The following SLMAP variants were observed in gnomAD, a reference collection of about 807,000 sequenced individuals.
SLMAP encodes the protein sarcolemma associated protein, also known as sarcolemmal membrane-associated protein.
Under a neutral mutation model 128.8 loss-of-function variants are expected in SLMAP, and 44 were observed. That is an observed-to-expected ratio of 0.34 (90% CI 0.27 to 0.44). The LOEUF (loss-of-function observed/expected upper bound fraction) is 0.44, where lower values mean the gene tolerates loss of function less well. Ranked by LOEUF, SLMAP falls within the 20% of genes least tolerant of loss-of-function variation. The pLI, the probability that SLMAP is intolerant of heterozygous loss-of-function variation, is 1.00. For synonymous variants in SLMAP, 327 were observed against 348.8 expected (o/e 0.94, Z 0.70); for missense variants, 787 against 985.3 (o/e 0.80, Z 2.69).
chr3:57,916,976 A>G lies in SLMAP; in HGVS notation c.2209A>G (p.Asn737Asp). The G allele has an allele frequency of 6.2e-7, 1 of 1,613,678 alleles. No individual in the cohort carries two copies. The highest frequency in any genetic ancestry group is 8.5e-7 in the Non-Finnish European group (1 of 1,179,660). The change falls in exon 22 of 25, where the codon AAT becomes GAT. Residue 737 changes from asparagine to aspartate, a missense_variant. Asn to Asp is a conservative substitution (Grantham distance 23). Coordinates refer to ENST00000671191, the MANE Select transcript of SLMAP (RefSeq NM_001377540.1). The stretch of plus-strand genomic sequence containing the variant: ...TCAAATGTCTAGGAAAGAACTTGAG[A>G]ATCAAGTGGGATCCTTGAAAGAACA... Reference protein sequence around the residue: ...ILQMSRKELENQVGSLKEQHL... With the variant: ...ILQMSRKELEDQVGSLKEQHL...
Position 57,757,539 on chromosome 3 carries a change from G to A in SLMAP, c.-113G>A. On this transcript the variant is annotated 5_prime_UTR_variant, in exon 2 of 25. It adds an upstream start codon to the 5' untranslated region. Coordinates refer to ENST00000671191, the MANE Select transcript of SLMAP (RefSeq NM_001377540.1). ...GTTATGCTTAGACAATGTGCAGTTT[G>A]TGTTAATTTAAAATTTTGGGTGGGA... is the stretch of plus-strand genomic sequence containing the variant. 1 of 878,842 alleles carries A rather than the reference G, an allele frequency of 1.1e-6. No individual in the cohort carries two copies. Among genetic ancestry groups the A allele is most frequent in the Non-Finnish European group, 1.8e-6 (1 of 549,980 alleles). 54.4% of individuals were successfully genotyped at this position (878,842 alleles called of 1,614,324 possible).
At chr3:57,805,941 C>G (rs935133291) in intron 2 of SLMAP, among the ~76,000 whole-genome samples, 2 of 152,292 alleles carry the variant, frequency 1.3e-5, no homozygotes, top group Non-Finnish European at 1.5e-5. Flanking sequence ...CATGGGACAG[C>G]TCCTTCAGGA....
In SLMAP at chr3:57,841,306, T is replaced by C; in HGVS notation, c.354T>C (p.His118=). Residue 118 remains histidine (H), a synonymous_variant, in exon 4 of 25, where the codon CAT becomes CAC. Coordinates refer to ENST00000671191, the MANE Select transcript of SLMAP (RefSeq NM_001377540.1). ...TTTGTTTGTTTCAACCAGTTACCCA[T>C]GGGTGTATTGTTTCCACAATAAAAC... The part of the protein sequence containing the change: ...DVTENTRKVT[H]GCIVSTIKLF... 1 of 1,597,048 alleles carries C rather than the reference T, an allele frequency of 6.3e-7. No homozygotes were observed. Among genetic ancestry groups the C allele is most frequent in the African/African-American group, 1.3e-5 (1 of 74,436 alleles).
chr3:57,877,294 A>G (rs1400555072), intron 14 of SLMAP, among the ~76,000 whole-genome samples: 1 of 152,088 alleles, frequency 6.6e-6, no homozygotes, highest in Non-Finnish European at 1.5e-5. Context: ...CCTTATTTGG[A>G]GTAATGCATT....
At chr3:57,909,317 C>T (rs551453019) in intron 19 of SLMAP, among the ~76,000 whole-genome samples, 167 bp downstream of exon 19, 4 of 151,952 alleles carry the variant, frequency 2.6e-5, no homozygotes, top group Admixed American at 1.3e-4. Context: ...GTGTGGCCAA[C>T]ATGGTGAACC....
chr3:57,831,634 T>C (rs566896240), intron 3 of SLMAP, 104 bp downstream of exon 3: 7 of 753,014 alleles, frequency 9.3e-6, no homozygotes, highest in Non-Finnish European at 1.4e-5. Context: ...GTGAAAGCGA[T>C]TTAAATACAG....
At chr3:57,924,136 A>G (rs1029440309) in intron 23 of SLMAP, among the ~76,000 whole-genome samples, 17 of 152,196 alleles carry the variant, frequency 1.1e-4, no homozygotes, top group African/African-American at 3.9e-4. Context: ...CATAATCAGA[A>G]TGGATCTCCC....
chr3:57,791,543 T>C (rs1474563808), intron 2 of SLMAP, among the ~76,000 whole-genome samples: 1 of 152,128 alleles, frequency 6.6e-6, no homozygotes, highest in Non-Finnish European at 1.5e-5. Context: ...GGTGTAAATT[T>C]CTCAGGGTCT....
chr3:57,869,649 TATATATATATA>T (rs1376773189), intron 13 of SLMAP, among the ~76,000 whole-genome samples: 17 of 133,838 alleles, frequency 1.3e-4, no homozygotes, highest in African/African-American at 2.8e-4. Flanking sequence ...TATATATATA[TATATATATATA>T]ATATATATAA....
At chr3:57,872,232 G>A (rs1442683302) in intron 14 of SLMAP, among the ~76,000 whole-genome samples, 1 of 152,124 alleles carries the variant, frequency 6.6e-6, no homozygotes, top group African/African-American at 2.4e-5. Context: ...AACCTGGTAG[G>A]CAGATGTTGC....
At chr3:57,781,272 A>G (rs1277572422) in intron 2 of SLMAP, among the ~76,000 whole-genome samples, 1 of 152,054 alleles carries the variant, frequency 6.6e-6, no homozygotes, top group Non-Finnish European at 1.5e-5. Context: ...AAGGTTTCTT[A>G]TTGCAGCTAC....
intron 14 of SLMAP, among the ~76,000 whole-genome samples, chr3:57,883,063 A>C (rs958963207): frequency 1.3e-5 from 2 of 152,180 alleles, no homozygotes; most frequent in African/African-American, 4.8e-5. Context: ...GGTAATCCAC[A>C]GTGAGTGCCT....
intron 17 of SLMAP, among the ~76,000 whole-genome samples, chr3:57,906,307 T>A (rs1475970486): frequency 1.0e-5 from 1 of 98,678 alleles, no homozygotes; most frequent in Admixed American, 1.0e-4. Context: ...TTTCTTTTTT[T>A]TTCTTTTTTT....
At chr3:57,877,831 CTTTTTTTTTT>C (rs57685937) in intron 14 of SLMAP, among the ~76,000 whole-genome samples, 8 of 111,684 alleles carry the variant, frequency 7.2e-5, no homozygotes, top group African/African-American at 2.0e-4. Flanking sequence ...TTTTTTCCTT[CTTTTTTTTTT>C]TTTTTTTTTT....
At chr3:57,786,126 A>G (rs2084036318) in intron 2 of SLMAP, among the ~76,000 whole-genome samples, 1 of 152,244 alleles carries the variant, frequency 6.6e-6, no homozygotes, top group Non-Finnish European at 1.5e-5. Context: ...AAGGAGGATC[A>G]TCCAATTCAG....
At chr3:57,916,869 A>G (rs754042963) in intron 21 of SLMAP, 37 bp from the exon 22 acceptor site, 1 of 1,573,736 alleles carries the variant, frequency 6.4e-7, no homozygotes, top group Admixed American at 1.7e-5. Flanking sequence ...TCCAGTTTCT[A>G]CCTGTGAATA....
At chr3:57,923,887 T>C (rs530057156) in intron 23 of SLMAP, among the ~76,000 whole-genome samples, 2 of 152,360 alleles carry the variant, frequency 1.3e-5, no homozygotes, top group Admixed American at 1.3e-4. Context: ...AAAGAAAGTC[T>C]TAGTTTGTAG....
intron 2 of SLMAP, among the ~76,000 whole-genome samples, chr3:57,817,851 T>C (rs2092053776): frequency 6.6e-6 from 1 of 152,210 alleles, no homozygotes; most frequent in South Asian, 2.1e-4. Flanking sequence ...CTGAAAGAAA[T>C]TTTTAAAAGC....
chr3:57,769,974 A>T (rs1387469309), intron 2 of SLMAP, among the ~76,000 whole-genome samples: 1 of 152,240 alleles, frequency 6.6e-6, no homozygotes, highest in Non-Finnish European at 1.5e-5. Flanking sequence ...CAATCAGTTC[A>T]GCATAAGATT....
Sources: allele counts gnomAD v4.1 joint callset (sites outside exome capture counted in the v4.1 genomes callset), GRCh38; gene constraint gnomAD v4.1.1; transcripts MANE v1.5; gene names NCBI Gene and HGNC (gene_info 2026-07-23, HGNC 2026-07-21).